BICDL1: variants seen among roughly 807,000 people sequenced by gnomAD.
The protein encoded by BICDL1 is BICD family-like cargo adapter 1.
A neutral mutation model predicts 76.8 loss-of-function variants in BICDL1; 20 were observed. That is an observed-to-expected ratio of 0.26 (90% CI 0.18 to 0.38). The LOEUF is 0.38. BICDL1 is among the 10% of genes least tolerant of loss of function. The pLI, the probability that BICDL1 is intolerant of heterozygous loss-of-function variation, is 1.00. For missense variants in BICDL1, 700 were observed against 798.6 expected, an observed-to-expected ratio of 0.88 and a Z score of 1.49; for synonymous variants, 383 against 337.1, an observed-to-expected ratio of 1.14 and a Z score of -1.49.
At chr12:120,032,172 A>G (rs571650859) in intron 2 of BICDL1, among the ~76,000 whole-genome samples, 2 of 152,366 alleles carry the variant, frequency 1.3e-5, no homozygotes, top group Admixed American at 6.5e-5. Flanking sequence ...GTGTTAGAAC[A>G]TTCCATTCTC....
intron 2 of BICDL1, among the ~76,000 whole-genome samples, chr12:120,043,911 A>C (rs1249658026): frequency 6.6e-6 from 1 of 152,264 alleles, no homozygotes; most frequent in Non-Finnish European, 1.5e-5. Context: ...AAGAGAAAAC[A>C]GATATGTAAA....
intron 2 of BICDL1, among the ~76,000 whole-genome samples, chr12:120,008,841 C>T (rs1482715501): frequency 1.2e-4 from 18 of 152,098 alleles, no homozygotes; most frequent in African/African-American, 2.9e-4. Context: ...CATAGGAGCT[C>T]TCTTCTGTGA....
intron 2 of BICDL1, among the ~76,000 whole-genome samples, chr12:120,042,369 T>G (rs1339599870): frequency 6.6e-6 from 1 of 152,028 alleles, no homozygotes; most frequent in Non-Finnish European, 1.5e-5. Context: ...AAGAATGAAG[T>G]TGCCATCTCC....
intron 7 of BICDL1, among the ~76,000 whole-genome samples, chr12:120,075,538 G>A (rs114792032): frequency 0.016 from 2,433 of 152,060 alleles, 65 homozygotes; most frequent in African/African-American, 0.055. Context: ...GACTACAGGC[G>A]TACGCCACCA....
At chr12:120,082,063 C>A (rs373192103) in intron 8 of BICDL1, among the ~76,000 whole-genome samples, 1 of 152,092 alleles carries the variant, frequency 6.6e-6, no homozygotes, top group African/African-American at 2.4e-5. Context: ...AATCAGACTC[C>A]GAAGCCTACA....
At chr12:120,061,907 C>A in intron 3 of BICDL1, 81 bp downstream of exon 3, 10 of 860,518 alleles carry the variant, frequency 1.2e-5, no homozygotes, top group Non-Finnish European at 1.9e-5. Flanking sequence ...TGTAAAAGGG[C>A]CTAAAATCTC....
rs879156632 is a variant in BICDL1 at position 120,094,229 on chromosome 12, G to C, written c.*1068G>C. ...CCCCAACTCAGAGGCTCCGCGGCCC[G>C]GCCAGCCCTCAGCTGCTCACAACCG... On this transcript the variant is annotated 3_prime_UTR_variant, in exon 10 of 10. Transcript: ENST00000548673. 2.2e-6 allele frequency: 1 copy of C among 456,638 alleles called. No homozygotes were observed. The highest frequency in any genetic ancestry group is 1.5e-5 in the South Asian group (1 of 64,562). The allele number at this position is 456,638 out of a possible 1,614,324, so 28.3% of individuals were successfully genotyped here.
chr12:120,010,226 C>T (rs1015470445), intron 2 of BICDL1, among the ~76,000 whole-genome samples: 3 of 152,194 alleles, frequency 2.0e-5, no homozygotes, highest in Non-Finnish European at 2.9e-5. Context: ...ACTGGTTGCG[C>T]TTGTAACTGC....
intron 1 of BICDL1, among the ~76,000 whole-genome samples, chr12:119,991,846 G>A (rs1004280582): frequency 2.0e-5 from 3 of 152,026 alleles, no homozygotes; most frequent in Non-Finnish European, 2.9e-5. Flanking sequence ...CTTCAACATA[G>A]GGCAAAGATT....
chr12:120,005,003 A>C (rs906776251), intron 2 of BICDL1, among the ~76,000 whole-genome samples: 1 of 152,052 alleles, frequency 6.6e-6, no homozygotes, highest in Non-Finnish European at 1.5e-5. Context: ...TGGTATTTTT[A>C]GTAGAAGCGG....
chr12:120,003,765 C>T (rs1263436443), intron 2 of BICDL1, among the ~76,000 whole-genome samples: 4 of 152,198 alleles, frequency 2.6e-5, no homozygotes, highest in Non-Finnish European at 5.9e-5. Context: ...TGTGCTTCTC[C>T]ATGGTCTGCA....
intron 2 of BICDL1, among the ~76,000 whole-genome samples, chr12:120,052,843 C>T (rs1952892158): frequency 6.6e-6 from 1 of 152,196 alleles, no homozygotes; most frequent in African/African-American, 2.4e-5. Flanking sequence ...ACAATCTTGG[C>T]TCAGTGCAAC....
chr12:120,045,985 G>A (rs371565152), intron 2 of BICDL1, among the ~76,000 whole-genome samples: 30 of 152,170 alleles, frequency 2.0e-4, no homozygotes, highest in African/African-American at 7.0e-4. Context: ...GATAGTCATA[G>A]TATTTCTGCC....
chr12:120,002,957 G>C lies in BICDL1; in HGVS notation c.645+4221G>C, dbSNP rs561139365. 1.6e-4 allele frequency among the ~76,000 whole-genome samples: 24 copies of C among 152,252 alleles called. No individual in the cohort carries two copies. The South Asian group carries it at 5.0e-3, about 32-fold the overall frequency. On this transcript the variant is annotated intron_variant, in intron 2 of 9. Transcript: ENST00000548673. ...AGATCACCTGAGGTCAGGCATTTGAGACCAGCCTGGCCAACATGGTGAAAC... is the reference window on the plus strand; with the variant it reads ...AGATCACCTGAGGTCAGGCATTTGACACCAGCCTGGCCAACATGGTGAAAC...
intron 2 of BICDL1, among the ~76,000 whole-genome samples, chr12:119,999,189 A>G (rs778091931): frequency 6.6e-6 from 1 of 152,144 alleles, no homozygotes; most frequent in Non-Finnish European, 1.5e-5. Flanking sequence ...ATCTACAAGA[A>G]CTTTGGTATT....
At chr12:120,018,160 T>TC (rs1308548754) in intron 2 of BICDL1, among the ~76,000 whole-genome samples, 2 of 152,162 alleles carry the variant, frequency 1.3e-5, no homozygotes, top group East Asian at 3.8e-4. Context: ...CGATGTCTGG[T>TC]CCCACCCTCA....
intron 2 of BICDL1, among the ~76,000 whole-genome samples, chr12:120,059,584 A>G (rs927291080): frequency 4.0e-5 from 6 of 151,878 alleles, no homozygotes; most frequent in African/African-American, 1.5e-4. Flanking sequence ...TAATTTTTGT[A>G]TTTTTAGTAG....
chr12:120,057,287 T>C (rs1952995247), intron 2 of BICDL1: 1 of 352,070 alleles, frequency 2.8e-6, no homozygotes, highest in South Asian at 2.2e-5. Context: ...CGTGCTGGGA[T>C]TACACCGCGC....
intron 2 of BICDL1, 28 bp from the exon 3 acceptor site, chr12:120,061,682 T>C: frequency 6.8e-7 from 1 of 1,479,830 alleles, no homozygotes. Context: ...AACCTCCGAA[T>C]CAGCTCTGCA....
Sources: allele counts gnomAD v4.1 joint callset (sites outside exome capture counted in the v4.1 genomes callset), GRCh38; gene constraint gnomAD v4.1.1; transcripts MANE v1.5; gene names NCBI Gene and HGNC (gene_info 2026-07-23, HGNC 2026-07-21).